Variants in GPR89A observed in about 807,000 individuals in gnomAD.
The protein encoded by GPR89A is G protein-coupled receptor 89A.
In GPR89A, 16 loss-of-function variants were observed where a neutral mutation model predicts 52.0. The ratio of observed to expected loss-of-function variants is 0.31; its 90% confidence interval spans 0.21 to 0.47. The LOEUF (loss-of-function observed/expected upper bound fraction) is 0.47, where lower values mean the gene tolerates loss of function less well. Ranked by LOEUF, GPR89A falls within the 20% of genes least tolerant of loss-of-function variation. The pLI is 1.00. For missense variants in GPR89A, 135 were observed against 449.4 expected (o/e 0.30, Z 6.33); for synonymous variants, 55 against 150.9 (o/e 0.36, Z 4.66).
At chr1:145,659,226 C>T (rs1442846286) in intron 10 of GPR89A, among the ~76,000 whole-genome samples, 2 of 151,868 alleles carry the variant, frequency 1.3e-5, no homozygotes, top group Admixed American at 6.6e-5. Flanking sequence ...GCTCTGTCGC[C>T]CAGGCTGGAG....
At chr1:145,639,143 A>G (rs1650456254) in intron 7 of GPR89A, among the ~76,000 whole-genome samples, 1 of 151,908 alleles carries the variant, frequency 6.6e-6, no homozygotes, top group African/African-American at 2.4e-5. Context: ...AAATCAAATA[A>G]GATATAAATA....
rs1265614116 is a variant in GPR89A at position 145,617,783 on chromosome 1, CTAGT to C, written c.103-531_103-528del. On this transcript the variant is annotated intron_variant, in intron 2 of 13. Coordinates refer to ENST00000313835, the MANE Select transcript of GPR89A (RefSeq NM_001097612.2). Reference sequence around the variant, plus strand: ...ATCACCACCCTAGACTCGACATTTCCTAGTTAGTTCTCCTAATTAGTAATAAGAT... The same window carrying C: ...ATCACCACCCTAGACTCGACATTTCCTAGTTCTCCTAATTAGTAATAAGAT... Among the ~76,000 whole-genome samples, 4 of 152,076 alleles carry C rather than the reference CTAGT, an allele frequency of 2.6e-5. No homozygotes were observed. The East Asian group carries it at 5.8e-4, about 22-fold the overall frequency.
intron 11 of GPR89A, among the ~76,000 whole-genome samples, chr1:145,665,346 G>C (rs1329840332): frequency 6.6e-6 from 1 of 151,744 alleles, no homozygotes; most frequent in Non-Finnish European, 1.5e-5. Flanking sequence ...TAATTTTAAG[G>C]TTTAATTAAG....
In GPR89A at chr1:145,626,086, A is replaced by G. The variant is rs376326186; in HGVS notation, c.415+2372A>G. 4.9e-4 allele frequency among the ~76,000 whole-genome samples: 74 copies of G among 149,952 alleles called. 3 individuals carry two copies. In the Middle Eastern group the frequency reaches 0.014, roughly 28 times the overall value. On this transcript the variant is annotated intron_variant, in intron 5 of 13. Coordinates refer to ENST00000313835, the MANE Select transcript of GPR89A (RefSeq NM_001097612.2). ...CAGCATGCCTATGTCAATGGTCAAC[A>G]AAGGGAACGACTTGCACTAAAGAGT... is the stretch of plus-strand genomic sequence containing the variant.
chr1:145,637,032 A>T (rs1553690887), intron 7 of GPR89A, among the ~76,000 whole-genome samples: 1 of 152,206 alleles, frequency 6.6e-6, no homozygotes, highest in East Asian at 1.9e-4. Flanking sequence ...TAAATAATGT[A>T]TTTCCACGGT....
At chr1:145,643,531 C>T (rs760675953) in intron 7 of GPR89A, among the ~76,000 whole-genome samples, 1 of 152,264 alleles carries the variant, frequency 6.6e-6, no homozygotes, top group East Asian at 1.9e-4. Flanking sequence ...TGTATAGCGC[C>T]TCATATGAAC....
rs782126005 is a variant in GPR89A at position 145,663,407 on chromosome 1, C to G, written c.988C>G (p.Leu330Val). 1.1e-5 allele frequency: 17 copies of G among 1,610,524 alleles called. No homozygotes were observed. The highest frequency in any genetic ancestry group is 1.4e-5 in the Non-Finnish European group (17 of 1,179,050). The stretch of plus-strand genomic sequence containing the variant: ...AGGCATTGAGATCACTGTGAATTAT[C>G]TGGGAATCCAATTTGATGTAAGTGT... The part of the protein sequence containing the change: ...TRGIEITVNY[L>V]GIQFDVKFWS... Residue 330 changes from leucine (L) to valine (V), a missense_variant, in exon 11 of 14, where the codon CTG becomes GTG. Physicochemically the swap from Leu to Val is conservative, Grantham distance 32. This residue lies in a region of GPR89A where 28 missense variants were observed against 61.6 expected (regional missense o/e 0.45). Transcript: ENST00000313835.
intron 7 of GPR89A, among the ~76,000 whole-genome samples, chr1:145,633,981 TAGA>T (rs1553690279): frequency 1.3e-5 from 2 of 151,684 alleles, no homozygotes; most frequent in Non-Finnish European, 2.9e-5. Context: ...ACAACATTAA[TAGA>T]AGAAATTGAA....
At chr1:145,624,718 A>G (rs1177550293) in intron 5 of GPR89A, among the ~76,000 whole-genome samples, 1 of 127,550 alleles carries the variant, frequency 7.8e-6, no homozygotes, top group Non-Finnish European at 1.6e-5. Context: ...CTATGCCACA[A>G]TACTAAACTA....
intron 12 of GPR89A, among the ~76,000 whole-genome samples, chr1:145,666,608 G>C (rs1652565726): frequency 6.6e-6 from 1 of 151,464 alleles, no homozygotes; most frequent in Non-Finnish European, 1.5e-5. Context: ...CAACATGCAG[G>C]TTTGTTACAT....
rs1241535753 is a variant in GPR89A, at chr1:145,625,290, G to C, written c.415+1576G>C. The stretch of plus-strand genomic sequence containing the variant: ...GTATGAGACCTTTCATGACCTGGCT[G>C]CTGCTCTCTATACATGTTGCATTCT... On this transcript the variant is annotated intron_variant, in intron 5 of 13. Coordinates refer to ENST00000313835, the MANE Select transcript of GPR89A (RefSeq NM_001097612.2). Among the ~76,000 whole-genome samples, 4 of 145,268 alleles carry C rather than the reference G, an allele frequency of 2.8e-5. No individual in the cohort carries two copies. In the East Asian group the frequency reaches 8.1e-4, roughly 29 times the overall value.
chr1:145,650,376 G>A (rs587649949), intron 10 of GPR89A, among the ~76,000 whole-genome samples: 36 of 151,376 alleles, frequency 2.4e-4, no homozygotes, highest in African/African-American at 8.0e-4. Context: ...TTCTTTATCC[G>A]GTCTATCATT....
intron 10 of GPR89A, among the ~76,000 whole-genome samples, chr1:145,649,255 G>T (rs1651278085): frequency 6.6e-6 from 1 of 151,756 alleles, no homozygotes; most frequent in African/African-American, 2.4e-5. Flanking sequence ...ATCCATCACT[G>T]CCATGAGATT....
chr1:145,619,754 G>A (rs1553687758), intron 3 of GPR89A, among the ~76,000 whole-genome samples: 7 of 152,174 alleles, frequency 4.6e-5, no homozygotes, highest in Admixed American at 3.3e-4. Flanking sequence ...GGTGGCTCAC[G>A]CCTGTAATCC....
intron 11 of GPR89A, among the ~76,000 whole-genome samples, chr1:145,665,173 G>A (rs587676216): frequency 2.6e-4 from 39 of 151,948 alleles, no homozygotes; most frequent in African/African-American, 8.0e-4. Flanking sequence ...ATTTATTAGC[G>A]TTATTTTTAT....
intron 1 of GPR89A, 124 bp downstream of exon 1, chr1:145,608,299 C>G: frequency 1.5e-6 from 2 of 1,351,092 alleles, no homozygotes; most frequent in Non-Finnish European, 2.1e-6. Context: ...GCGCTAGTCA[C>G]TCTGGCACCC....
intron 3 of GPR89A, among the ~76,000 whole-genome samples, chr1:145,620,331 T>C (rs1404706994): frequency 6.6e-5 from 10 of 152,184 alleles, no homozygotes; most frequent in Non-Finnish European, 1.2e-4. Context: ...TAAACTTAAT[T>C]TGTAAAAGCA....
At chr1:145,656,821 G>T (rs1425877213) in intron 10 of GPR89A, among the ~76,000 whole-genome samples, 1 of 150,894 alleles carries the variant, frequency 6.6e-6, no homozygotes, top group Non-Finnish European at 1.5e-5. Context: ...ATGATGTTAG[G>T]TTTTCCCTAG....
intron 1 of GPR89A, among the ~76,000 whole-genome samples, chr1:145,612,766 T>C (rs1648391071): frequency 1.3e-5 from 2 of 152,196 alleles, no homozygotes; most frequent in Admixed American, 6.5e-5. Flanking sequence ...CTTACTTGAC[T>C]GCTTTCTTTC....
Sources: allele counts gnomAD v4.1 joint callset (sites outside exome capture counted in the v4.1 genomes callset), GRCh38; gene constraint gnomAD v4.1.1; regional missense constraint gnomAD v4.1.1; transcripts MANE v1.5; gene names NCBI Gene and HGNC (gene_info 2026-07-23, HGNC 2026-07-21).